Variants in TF observed in about 807,000 individuals in gnomAD.
TF encodes the protein serotransferrin.
TF carries 55 observed loss-of-function variants against 82.4 expected under a neutral mutation model. That is an observed-to-expected ratio of 0.67 (90% confidence interval 0.54 to 0.84). TF has a LOEUF of 0.84. Among genes scored for constraint, TF ranks in the 40% least tolerant of loss-of-function variants. The probability of loss-of-function intolerance (pLI) is 0.00; values close to 1 mark genes in which losing one functional copy is unlikely to be tolerated. For missense variants in TF, 737 were observed against 868.4 expected (o/e 0.85, Z 1.90); for synonymous variants, 332 against 332.6 (o/e 1.00, Z 0.02).
chr3:133,688,939 A>G, the TF span, among the ~76,000 whole-genome samples: 2 of 152,270 alleles, frequency 1.3e-5, no homozygotes, highest in Non-Finnish European at 1.5e-5. Flanking sequence ...TTGTGAAAAA[A>G]ATCCCAAAAT....
the TF span, among the ~76,000 whole-genome samples, chr3:133,691,370 G>C: frequency 5.9e-5 from 9 of 152,200 alleles, no homozygotes; most frequent in African/African-American, 2.2e-4. Flanking sequence ...ACCTGTGCTA[G>C]GTGCTCCTCT....
chr3:133,668,671 C>G, the TF span, among the ~76,000 whole-genome samples: 2 of 152,326 alleles, frequency 1.3e-5, no homozygotes, highest in African/African-American at 4.8e-5. Flanking sequence ...CCCCCTCACC[C>G]TTAGCACTCA....
the TF span, among the ~76,000 whole-genome samples, chr3:133,663,311 G>GAAT: frequency 6.6e-6 from 1 of 150,590 alleles, no homozygotes; most frequent in East Asian, 2.0e-4. Flanking sequence ...TGATGGTCCG[G>GAAT]AATAAAATCT....
rs1356566051 is a variant in TF, at chr3:133,748,471, G to A, written c.103G>A (p.Ala35Thr). ...VRWCAVSEHE[A>T]TKCQSFRDHM... is the part of the protein sequence containing the mutation. Reference sequence around the variant, plus strand: ...ATGGTGTGCAGTGTCGGAGCATGAGGCCACTAAGTGCCAGAGTTTCCGCGA... The same window carrying A: ...ATGGTGTGCAGTGTCGGAGCATGAGACCACTAAGTGCCAGAGTTTCCGCGA... The change falls in exon 2 of 17, where the codon GCC (alanine) becomes ACC (threonine). Residue 35 changes from alanine to threonine, a missense_variant. Ala to Thr is a moderately conservative substitution (Grantham distance 58). Coordinates refer to ENST00000402696, the MANE Select transcript of TF (RefSeq NM_001063.4). 3 of 1,614,036 alleles carry A rather than the reference G, an allele frequency of 1.9e-6. No homozygotes were observed. The highest frequency in any genetic ancestry group is 2.7e-5 in the African/African-American group (2 of 74,908).
At position 133,789,703 on chromosome 3, in the gene TF, A is replaced by C. The variant is rs1934779752; in HGVS notation, c.*11083A>C. 6.6e-6 allele frequency: 1 copy of C among 152,172 alleles called. No homozygotes were observed. Among genetic ancestry groups the C allele is most frequent in the South Asian group, 2.1e-4 (1 of 4,824 alleles). The allele number at this position is 152,172 out of a possible 1,614,324, so 9.4% of individuals were successfully genotyped here. ...ACATGACTTAAGTATAACTTTCCTA[A>C]ACAGGCTAGTTTTAAAATTATTGGT... On this transcript the variant is annotated 3_prime_UTR_variant, in exon 17 of 17. Coordinates refer to ENST00000402696, the MANE Select transcript of TF (RefSeq NM_001063.4).
chr3:133,760,356 G>C (rs2718796), intron 9 of TF: 147,027 of 152,458 alleles, frequency 0.96, 71,027 homozygotes, highest in African/African-American at 0.98. Context: ...GGACCATCAA[G>C]CTCATTATTT....
intron 9 of TF, among the ~76,000 whole-genome samples, chr3:133,760,021 A>G (rs1933948140): frequency 2.6e-5 from 4 of 151,946 alleles, no homozygotes; most frequent in African/African-American, 9.7e-5. Flanking sequence ...CATATCATAA[A>G]TCATTCTTGT....
At chr3:133,722,406 T>A in the TF span, among the ~76,000 whole-genome samples, 1 of 152,132 alleles carries the variant, frequency 6.6e-6, no homozygotes, top group East Asian at 1.9e-4. Context: ...CCATTTACAT[T>A]CAAAGGCTGT....
At chr3:133,724,760 G>A in the TF span, among the ~76,000 whole-genome samples, 4 of 152,176 alleles carry the variant, frequency 2.6e-5, no homozygotes, top group African/African-American at 9.7e-5. Flanking sequence ...TATTGCCTAG[G>A]TTTTCTTCTA....
chr3:133,755,876 C>T, intron 5 of TF: 1 of 436,306 alleles, frequency 2.3e-6, no homozygotes, highest in Non-Finnish European at 4.2e-6. Context: ...AGCACACTGC[C>T]TGTCTCCTGC....
chr3:133,760,916 C>T (rs1933977234), intron 9 of TF: 1 of 152,782 alleles, frequency 6.5e-6, no homozygotes, highest in African/African-American at 2.4e-5. Flanking sequence ...AGTAACTAAT[C>T]TCATTGCTAG....
Position 133,779,769 on chromosome 3 carries a change from A to AAT in TF, c.*1149_*1150insAT, listed in dbSNP as rs1289006796. On this transcript the variant is annotated 3_prime_UTR_variant, in exon 17 of 17. Coordinates refer to ENST00000402696, the MANE Select transcript of TF (RefSeq NM_001063.4). ...TCCTACTACCTACCTGTGGGTCTAT[A>AAT]CTCGAGTCTTGCAGCAGTCAGAAAC... is the stretch of plus-strand genomic sequence containing the variant. 1.3e-5 allele frequency: 2 copies of AAT among 152,154 alleles called. No individual in the cohort carries two copies. The highest frequency in any genetic ancestry group is 2.4e-5 in the African/African-American group (1 of 41,374). The allele number at this position is 152,154 out of a possible 1,614,324, so 9.4% of individuals were successfully genotyped here. A position where few individuals can be genotyped will look rare whatever the true frequency, so the allele number is the denominator to read the frequency against.
In TF at chr3:133,753,921, G is replaced by A. The variant is rs62280594; in HGVS notation, c.325+218G>A. The A allele has an allele frequency of 3.1e-3, 1,983 of 630,254 alleles. 7 individuals carry two copies. Among genetic ancestry groups the A allele is most frequent in the Non-Finnish European group, 4.7e-3 (1,654 of 352,228 alleles). The allele number at this position is 630,254 out of a possible 1,614,324, so 39.0% of individuals were successfully genotyped here. ...ACTGGTGCTCCTAAAACTGAGCCCT[G>A]GGCCAGGGGCATATGCTTATCAGAG... On this transcript the variant is annotated intron_variant, in intron 3 of 16. Coordinates refer to ENST00000402696, the MANE Select transcript of TF (RefSeq NM_001063.4).
chr3:133,714,221 GGC>G, the TF span, among the ~76,000 whole-genome samples: 2 of 152,196 alleles, frequency 1.3e-5, no homozygotes, highest in African/African-American at 2.4e-5. Context: ...GAGAGGCACT[GGC>G]TGTCTCGGAG....
In TF at chr3:133,777,174, T is replaced by A. The variant is rs900868718; in HGVS notation, c.1998T>A (p.Tyr666Ter). The change falls in exon 16 of 17, where the codon TAT becomes TAA. Residue 666 changes from tyrosine (Y) to a stop codon, truncating the protein, a stop_gained. Transcript: ENST00000402696. LOFTEE classifies it high-confidence loss of function. ...CCAAACTTCATGACAGAAACACATA[T>A]GAAAAATACTTAGGAGAAGAATATG... is the stretch of plus-strand genomic sequence containing the variant. ...CLAKLHDRNT[Y>*]EKYLGEEYVK... 1 of 1,614,096 alleles carries A rather than the reference T, an allele frequency of 6.2e-7. No individual in the cohort carries two copies. Among genetic ancestry groups the A allele is most frequent in the Admixed American group, 1.7e-5 (1 of 60,018 alleles).
upstream of TF, among the ~76,000 whole-genome samples, chr3:133,743,837 T>A (rs1933437598): frequency 6.6e-6 from 1 of 152,206 alleles, no homozygotes; most frequent in Admixed American, 6.5e-5. Context: ...CATGCTCCTA[T>A]AGACATATAC....
chr3:133,694,354 G>A, the TF span: 3 of 152,846 alleles, frequency 2.0e-5, no homozygotes, highest in Non-Finnish European at 4.4e-5. Context: ...GGCTACGCGG[G>A]AGCCTTAAGT....
the TF span, among the ~76,000 whole-genome samples, chr3:133,718,875 A>G: frequency 3.3e-5 from 5 of 152,186 alleles, no homozygotes; most frequent in East Asian, 7.7e-4. Context: ...GATCATGCTC[A>G]TTCAGGACTG....
intron 4 of TF, 46 bp downstream of exon 4, chr3:133,754,717 C>A: frequency 6.3e-7 from 1 of 1,594,724 alleles, no homozygotes; most frequent in South Asian, 1.1e-5. Flanking sequence ...TGCCTCTGCT[C>A]CAGATGCCCA....
Sources: gnomAD v4.1 joint callset for allele counts (sites outside exome capture counted in the v4.1 genomes callset) on GRCh38, gnomAD v4.1.1 for gene constraint, MANE v1.5 for transcripts, NCBI Gene and HGNC (gene_info 2026-07-23, HGNC 2026-07-21) for gene names.